Variants in BCHE observed in about 807,000 individuals in gnomAD.
The protein encoded by BCHE is butyrylcholinesterase.
A neutral mutation model predicts 51.3 loss-of-function variants in BCHE; 48 were observed. That is an observed-to-expected ratio of 0.94 (90% CI 0.74 to 1.19). BCHE has a LOEUF of 1.19. Among genes scored for constraint, BCHE ranks in the 50% most tolerant of loss-of-function variants. The pLI is 0.00. For missense variants in BCHE, 847 were observed against 708.2 expected, an observed-to-expected ratio of 1.20 and a Z score of -2.23; for synonymous variants, 251 against 238.0, an observed-to-expected ratio of 1.05 and a Z score of -0.50.
Position 165,828,863 on chromosome 3 carries a change from T to C in BCHE, c.1517+654A>G, listed in dbSNP as rs114313919. Reference sequence around the variant, plus strand: ...TAATATATGGGGGAAATATGTTTTTTGTAATGTCTCTGATTATCTAATGTC... The same window carrying C: ...TAATATATGGGGGAAATATGTTTTTCGTAATGTCTCTGATTATCTAATGTC... On this transcript the variant is annotated intron_variant, in intron 2 of 3. Coordinates refer to ENST00000264381, the MANE Select transcript of BCHE (RefSeq NM_000055.4). Among the ~76,000 whole-genome samples the C allele has an allele frequency of 3.4e-3, 525 of 152,268 alleles. 2 individuals carry two copies. The highest frequency in any genetic ancestry group is 0.012 in the African/African-American group (492 of 41,550).
chr3:165,814,422 A>C (rs1576859861), intron 2 of BCHE, among the ~76,000 whole-genome samples: 1 of 152,262 alleles, frequency 6.6e-6, no homozygotes, highest in Non-Finnish European at 1.5e-5. Flanking sequence ...TTAAAGGAGA[A>C]GGCAAGTTTA....
chr3:165,819,074 C>T (rs368413823), intron 2 of BCHE, among the ~76,000 whole-genome samples: 9 of 136,584 alleles, frequency 6.6e-5, no homozygotes, highest in South Asian at 4.6e-4. Flanking sequence ...TTTTTAACTT[C>T]TTTTTTTTTT....
intron 2 of BCHE, among the ~76,000 whole-genome samples, chr3:165,826,804 A>C (rs527411601): frequency 6.6e-6 from 1 of 152,248 alleles, no homozygotes; most frequent in Non-Finnish European, 1.5e-5. Flanking sequence ...GGAAGTAGAG[A>C]CTAGAAGAGT....
chr3:165,825,631 C>A (rs961648508), intron 2 of BCHE, among the ~76,000 whole-genome samples: 9 of 151,790 alleles, frequency 5.9e-5, no homozygotes, highest in Non-Finnish European at 1.3e-4. Context: ...ATACATGTGC[C>A]GTGTTGGTGT....
chr3:165,779,667 G>A (rs542909720), intron 3 of BCHE, among the ~76,000 whole-genome samples: 2 of 152,152 alleles, frequency 1.3e-5, no homozygotes, highest in East Asian at 1.9e-4. Flanking sequence ...ATTCACAATT[G>A]CTACAAAGAG....
At chr3:165,795,803 G>A (rs957478800) in intron 2 of BCHE, among the ~76,000 whole-genome samples, 16 of 152,166 alleles carry the variant, frequency 1.1e-4, no homozygotes, top group African/African-American at 3.9e-4. Flanking sequence ...AATATACTGT[G>A]CTATAAGAGT....
chr3:165,801,214 T>C (rs1012169497), intron 2 of BCHE, among the ~76,000 whole-genome samples: 1 of 152,254 alleles, frequency 6.6e-6, no homozygotes, highest in Non-Finnish European at 1.5e-5. Context: ...GATTTCTGAA[T>C]GACTTGCTAA....
chr3:165,823,934 CTTTT>C (rs33928098), intron 2 of BCHE, among the ~76,000 whole-genome samples: 6 of 132,738 alleles, frequency 4.5e-5, no homozygotes, highest in Non-Finnish European at 8.0e-5. Flanking sequence ...ACCCAACCAA[CTTTT>C]TTTTTTTTTT....
intron 2 of BCHE, among the ~76,000 whole-genome samples, chr3:165,799,452 T>A (rs574001422): frequency 4.7e-4 from 71 of 152,268 alleles, no homozygotes; most frequent in Non-Finnish European, 7.7e-4. Flanking sequence ...ATGAATTTAG[T>A]GAAGCTAAAA....
intron 1 of BCHE, among the ~76,000 whole-genome samples, chr3:165,834,805 T>C (rs148971406): frequency 4.7e-4 from 71 of 151,972 alleles, no homozygotes; most frequent in African/African-American, 1.2e-3. Flanking sequence ...ATTATTATTA[T>C]ACTTTAAGTT....
At chr3:165,808,716 A>G (rs1449864053) in intron 2 of BCHE, among the ~76,000 whole-genome samples, 6 of 152,114 alleles carry the variant, frequency 3.9e-5, no homozygotes, top group Admixed American at 2.6e-4. Flanking sequence ...AGTGAGAGCC[A>G]TGATTGCACC....
chr3:165,790,557 A>G (rs1713127900), intron 2 of BCHE, among the ~76,000 whole-genome samples: 1 of 152,214 alleles, frequency 6.6e-6, no homozygotes, highest in Non-Finnish European at 1.5e-5. Flanking sequence ...CAGGGACTCC[A>G]TATTTGTAAA....
At chr3:165,808,109 G>A (rs1446451954) in intron 2 of BCHE, among the ~76,000 whole-genome samples, 2 of 151,782 alleles carry the variant, frequency 1.3e-5, no homozygotes, top group African/African-American at 4.8e-5. Flanking sequence ...TCAGCCTCCC[G>A]AGTAGCTGGG....
chr3:165,830,250 T>C lies in BCHE; in HGVS notation c.784A>G (p.Thr262Ala), dbSNP rs1320183594. 6.2e-7 allele frequency: 1 copy of C among 1,613,880 alleles called. No individual in the cohort carries two copies. The highest frequency in any genetic ancestry group is 1.3e-5 in the African/African-American group (1 of 74,910). Residue 262 changes from threonine to alanine, a missense_variant, in exon 2 of 4, where the codon ACA becomes GCA. Physicochemically the swap from Thr to Ala is moderately conservative, Grantham distance 58 (BLOSUM62 0). Transcript: ENST00000264381. ...SGSFNAPWAV[T>A]SLYEARNRTL... Reference sequence around the variant, plus strand: ...CTGTTCCTAGCTTCATAAAGAGATGTTACCGCCCAAGGAGCATTAAAGGAT... The same window carrying C: ...CTGTTCCTAGCTTCATAAAGAGATGCTACCGCCCAAGGAGCATTAAAGGAT...
chr3:165,780,756 A>G (rs1712664583), intron 3 of BCHE, among the ~76,000 whole-genome samples: 2 of 152,182 alleles, frequency 1.3e-5, no homozygotes, highest in African/African-American at 4.8e-5. Flanking sequence ...TAAAGTCAAG[A>G]AACAATAGAT....
At chr3:165,819,475 A>T (rs946552440) in intron 2 of BCHE, among the ~76,000 whole-genome samples, 1 of 152,144 alleles carries the variant, frequency 6.6e-6, no homozygotes, top group Non-Finnish European at 1.5e-5. Context: ...TTTATAATTT[A>T]AAAAATTATC....
intron 2 of BCHE, among the ~76,000 whole-genome samples, chr3:165,787,152 T>G (rs2108203164): frequency 6.6e-6 from 1 of 151,970 alleles, no homozygotes; most frequent in South Asian, 2.1e-4. Flanking sequence ...TTATAGTTGT[T>G]ATTTGAAAAT....
At chr3:165,792,688 T>C (rs1412035665) in intron 2 of BCHE, among the ~76,000 whole-genome samples, 5 of 152,208 alleles carry the variant, frequency 3.3e-5, no homozygotes, top group Non-Finnish European at 5.9e-5. Flanking sequence ...ATTACTAAGA[T>C]AAAATAGATT....
intron 2 of BCHE, among the ~76,000 whole-genome samples, chr3:165,807,545 T>C (rs1239466682): frequency 6.6e-6 from 1 of 151,320 alleles, no homozygotes; most frequent in Admixed American, 6.6e-5. Flanking sequence ...TTTATTTATT[T>C]ATTTTTATTT....
Sources: gnomAD v4.1 joint callset for allele counts (sites outside exome capture counted in the v4.1 genomes callset) on GRCh38, gnomAD v4.1.1 for gene constraint, MANE v1.5 for transcripts, NCBI Gene and HGNC (gene_info 2026-07-23, HGNC 2026-07-21) for gene names.